ARSK: variants seen among roughly 807,000 people sequenced by gnomAD.
The protein encoded by ARSK is arylsulfatase family member K.
Under a neutral mutation model 53.2 loss-of-function variants are expected in ARSK, and 37 were observed. That is an observed-to-expected ratio of 0.70 (90% CI 0.54 to 0.92). ARSK has a LOEUF of 0.92. Among genes scored for constraint, ARSK ranks in the 40% least tolerant of loss-of-function variants. ARSK has a pLI of 0.00. For synonymous variants in ARSK, 208 were observed against 223.2 expected (o/e 0.93, Z 0.61); for missense variants, 613 against 643.0 (o/e 0.95, Z 0.51).
chr5:95,584,612 A>G (rs1749078278), intron 4 of ARSK, among the ~76,000 whole-genome samples: 1 of 152,222 alleles, frequency 6.6e-6, no homozygotes, highest in South Asian at 2.1e-4. Context: ...GAACAACCAC[A>G]GAGTTTGTGA....
intron 2 of ARSK, among the ~76,000 whole-genome samples, chr5:95,566,576 T>G (rs74695595): frequency 0.06 from 9,104 of 152,252 alleles, 326 homozygotes; most frequent in East Asian, 0.11. Flanking sequence ...TCAGATTACA[T>G]ACTTTACCTC....
chr5:95,578,360 G>A (rs967214910), intron 3 of ARSK, among the ~76,000 whole-genome samples: 21 of 145,328 alleles, frequency 1.4e-4, no homozygotes, highest in Non-Finnish European at 2.7e-4. Flanking sequence ...GTCTCACTAT[G>A]TTGCCCTGAC....
chr5:95,576,738 T>C (rs1748930925), intron 3 of ARSK, among the ~76,000 whole-genome samples: 1 of 151,836 alleles, frequency 6.6e-6, no homozygotes, highest in Admixed American at 6.6e-5. Flanking sequence ...TACAAAAAAC[T>C]ACCCAGACTC....
chr5:95,594,701 G>A (rs965402959), intron 6 of ARSK, among the ~76,000 whole-genome samples: 1 of 152,118 alleles, frequency 6.6e-6, no homozygotes, highest in African/African-American at 2.4e-5. Flanking sequence ...ATTAGCTGGC[G>A]TGGTGGCAGG....
At chr5:95,565,759 A>G (rs1432514412) in intron 1 of ARSK, among the ~76,000 whole-genome samples, 2 of 152,150 alleles carry the variant, frequency 1.3e-5, no homozygotes, top group Non-Finnish European at 2.9e-5. Flanking sequence ...CCCCAAAAGA[A>G]CATTCCAGGA....
Position 95,603,294 on chromosome 5 carries a change from C to T in ARSK, c.1379C>T (p.Thr460Ile), listed in dbSNP as rs767732273. 3.1e-6 allele frequency: 5 copies of T among 1,599,582 alleles called. No individual in the cohort carries two copies. The Admixed American group carries it at 6.9e-5, about 22-fold the overall frequency. Residue 460 changes from threonine to isoleucine, a missense_variant, in exon 8 of 8, where the codon ACT (threonine) becomes ATT (isoleucine). Thr to Ile is a moderately conservative substitution (Grantham distance 89). Transcript: ENST00000380009. ...GTTGCTGTAAAATTTCCAGAAATTA[C>T]TTATTCTTTGGATCAGAAGCTTCAT... ...TNVAVKFPEI[T>I]YSLDQKLHSI...
At chr5:95,593,221 T>C (rs890993550) in intron 6 of ARSK, among the ~76,000 whole-genome samples, 1 of 152,140 alleles carries the variant, frequency 6.6e-6, no homozygotes, top group African/African-American at 2.4e-5. Flanking sequence ...TTAGCCTCAT[T>C]CTGTTTTCTT....
chr5:95,598,507 A>G (rs1186116411), intron 6 of ARSK, among the ~76,000 whole-genome samples: 2 of 152,190 alleles, frequency 1.3e-5, no homozygotes, highest in South Asian at 4.1e-4. Context: ...TATCAATAAT[A>G]GACTGGAATC....
intron 3 of ARSK, among the ~76,000 whole-genome samples, chr5:95,573,621 A>G (rs1473312498): frequency 6.6e-6 from 1 of 152,198 alleles, no homozygotes; most frequent in African/African-American, 2.4e-5. Flanking sequence ...TGTCTTGTTG[A>G]AAATCTAAAA....
rs1417079358 is a variant in ARSK at position 95,586,713 on chromosome 5, C to T, written c.851C>T (p.Ala284Val). The change falls in exon 5 of 8, where the codon GCT (alanine) becomes GTT (valine). Residue 284 changes from alanine to valine, a missense_variant. Coordinates refer to ENST00000380009, the MANE Select transcript of ARSK (RefSeq NM_198150.3). Reference sequence around the variant, plus strand: ...AGAGCATTTTATTATGCTATGTGTGCTGAGACAGATGCCATGCTTGGTAGG... The same window carrying T: ...AGAGCATTTTATTATGCTATGTGTGTTGAGACAGATGCCATGCTTGGTAGG... ...NIRAFYYAMCAETDAMLGEII... is the reference protein window; with the variant it reads ...NIRAFYYAMCVETDAMLGEII... 1 of 1,599,692 alleles carries T rather than the reference C, an allele frequency of 6.3e-7. No homozygotes were observed. Among genetic ancestry groups the T allele is most frequent in the Non-Finnish European group, 8.5e-7 (1 of 1,175,324 alleles).
intron 1 of ARSK, among the ~76,000 whole-genome samples, chr5:95,558,605 T>C (rs1229326131): frequency 6.6e-6 from 1 of 152,082 alleles, no homozygotes; most frequent in East Asian, 1.9e-4. Flanking sequence ...TCAAATTAGA[T>C]AAATGAAATG....
At chr5:95,560,275 C>T (rs1748606013) in intron 1 of ARSK, among the ~76,000 whole-genome samples, 2 of 150,694 alleles carry the variant, frequency 1.3e-5, no homozygotes, top group Admixed American at 6.6e-5. Flanking sequence ...TCTACAGATT[C>T]AATTCAATGC....
chr5:95,555,220 A>G lies in ARSK; in HGVS notation c.-59A>G. The G allele has an allele frequency of 6.6e-7, 1 of 1,514,882 alleles. No homozygotes were observed. The highest frequency in any genetic ancestry group is 8.9e-7 in the Non-Finnish European group (1 of 1,125,218). 93.8% of individuals were successfully genotyped at this position (1,514,882 alleles called of 1,614,324 possible). On this transcript the variant is annotated 5_prime_UTR_variant, in exon 1 of 8. Transcript: ENST00000380009. The surrounding 1 kb of genome is among the most constrained non-coding windows in gnomAD (Gnocchi z 4.0). ...CTGTCCCTGCCCTGCTCTGCTAGGG[A>G]GAGAACGCCAGAGGGAGGCGGCTGG...
At chr5:95,572,535 T>C (rs1255466970) in intron 3 of ARSK, among the ~76,000 whole-genome samples, 1 of 152,212 alleles carries the variant, frequency 6.6e-6, no homozygotes, top group Non-Finnish European at 1.5e-5. Flanking sequence ...TCCCAGCACT[T>C]TGGGAGGCCG....
chr5:95,580,797 G>A, intron 3 of ARSK: 1 of 523,944 alleles, frequency 1.9e-6, no homozygotes. Context: ...TGATTTTAAA[G>A]TACTGTAGTA....
At chr5:95,572,079 T>C (rs1303259753) in intron 3 of ARSK, among the ~76,000 whole-genome samples, 1 of 152,184 alleles carries the variant, frequency 6.6e-6, no homozygotes, top group Non-Finnish European at 1.5e-5. Context: ...CCATCTGTCT[T>C]TTTTAGGCAT....
In ARSK at chr5:95,557,925, G is replaced by C. The variant is rs141918326; in HGVS notation, c.126+2521G>C. Among the ~76,000 whole-genome samples the C allele has an allele frequency of 4.6e-5, 7 of 152,294 alleles. No individual in the cohort carries two copies. In the East Asian group the frequency reaches 1.3e-3, roughly 29 times the overall value. ...GTCCTAAGGTCATACACCAAATGAA[G>C]AAACATTTATTCAAGAAAATCTATG... On this transcript the variant is annotated intron_variant, in intron 1 of 7. Coordinates refer to ENST00000380009, the MANE Select transcript of ARSK (RefSeq NM_198150.3).
At position 95,555,131 on chromosome 5, in the gene ARSK, G is replaced by A. The variant is rs1272022388; in HGVS notation, c.-148G>A. The A allele has an allele frequency of 3.2e-6, 2 of 631,156 alleles. No individual in the cohort carries two copies. The highest frequency in any genetic ancestry group is 5.2e-6 in the Non-Finnish European group (2 of 382,762). The allele number at this position is 631,156 out of a possible 1,614,324, so 39.1% of individuals were successfully genotyped here. A position where few individuals can be genotyped will look rare whatever the true frequency, so the allele number is the denominator to read the frequency against. On this transcript the variant is annotated 5_prime_UTR_variant, in exon 1 of 8. Coordinates refer to ENST00000380009, the MANE Select transcript of ARSK (RefSeq NM_198150.3). The surrounding 1 kb of genome is among the most constrained non-coding windows in gnomAD (Gnocchi z 4.0). Reference sequence around the variant, plus strand: ...CGCTCTCCGCCTGATAGGAGTTGTAGTTCTGCGGGTGAAGCTCGGCGTTAC... The same window carrying A: ...CGCTCTCCGCCTGATAGGAGTTGTAATTCTGCGGGTGAAGCTCGGCGTTAC...
chr5:95,596,395 G>T (rs1749308456), intron 6 of ARSK, among the ~76,000 whole-genome samples: 1 of 151,936 alleles, frequency 6.6e-6, no homozygotes. Flanking sequence ...TTATTATTTT[G>T]TATGAATCCT....
Sources: gnomAD v4.1 joint callset for allele counts (sites outside exome capture counted in the v4.1 genomes callset) on GRCh38, gnomAD v4.1.1 for gene constraint, Gnocchi (gnomAD v3.1) non-coding constraint, MANE v1.5 for transcripts, NCBI Gene and HGNC (gene_info 2026-07-23, HGNC 2026-07-21) for gene names.